DCC: variants seen among roughly 807,000 people sequenced by gnomAD.
The protein encoded by DCC is DCC netrin 1 receptor, also known as netrin receptor DCC.
A neutral mutation model predicts 172.5 loss-of-function variants in DCC; 58 were observed. That is an observed-to-expected ratio of 0.34 (90% confidence interval 0.27 to 0.42). DCC has a LOEUF of 0.42. Among genes scored for constraint, DCC ranks in the 10% least tolerant of loss-of-function variants. The probability of loss-of-function intolerance (pLI) is 1.00; values close to 1 mark genes in which losing one functional copy is unlikely to be tolerated. For missense variants in DCC, 1,740 were observed against 1,791.0 expected (o/e 0.97, Z 0.51); for synonymous variants, 709 against 644.5 (o/e 1.10, Z -1.52).
chr18:53,196,308 C>G (rs1307963413), intron 9 of DCC, among the ~76,000 whole-genome samples: 1 of 152,166 alleles, frequency 6.6e-6, no homozygotes, highest in Admixed American at 6.5e-5. Context: ...AGTCCAGAAT[C>G]TTCGTTGTTC....
chr18:52,751,662 T>A (rs1416845132), intron 1 of DCC, among the ~76,000 whole-genome samples: 1 of 152,196 alleles, frequency 6.6e-6, no homozygotes, highest in Non-Finnish European at 1.5e-5. Flanking sequence ...AATGAAGAGA[T>A]AGAAATAGTC....
chr18:53,427,957 A>G (rs1288583633), intron 21 of DCC, among the ~76,000 whole-genome samples: 5 of 47,460 alleles, frequency 1.1e-4, no homozygotes, highest in African/African-American at 2.8e-4. Context: ...AATATATAAT[A>G]TAATAATATA....
chr18:53,194,762 G>A (rs1027206530), intron 9 of DCC, among the ~76,000 whole-genome samples: 4 of 152,244 alleles, frequency 2.6e-5, no homozygotes, highest in South Asian at 2.1e-4. Flanking sequence ...GAGCCACCAC[G>A]CCCGGCCCAG....
At chr18:52,670,774 A>G (rs2035537587) in intron 1 of DCC, among the ~76,000 whole-genome samples, 1 of 152,118 alleles carries the variant, frequency 6.6e-6, no homozygotes, top group South Asian at 2.1e-4. Flanking sequence ...CTGGAAGCGG[A>G]GGTTGCAGTG....
intron 22 of DCC, among the ~76,000 whole-genome samples, chr18:53,445,225 C>T (rs943936396): frequency 5.3e-5 from 8 of 151,964 alleles, no homozygotes; most frequent in Non-Finnish European, 7.4e-5. Flanking sequence ...CGATCAAGGC[C>T]GTATGAACTT....
chr18:52,777,770 G>GGGAAAAAAAA (rs369140038), intron 2 of DCC, among the ~76,000 whole-genome samples: 73 of 138,786 alleles, frequency 5.3e-4, no homozygotes, highest in African/African-American at 1.6e-3. Flanking sequence ...GATCTCCAGG[G>GGGAAAAAAAA]AAAAAAAAAG....
chr18:52,681,872 A>T (rs1231934958), intron 1 of DCC, among the ~76,000 whole-genome samples: 3 of 146,764 alleles, frequency 2.0e-5, no homozygotes, highest in African/African-American at 7.6e-5. Context: ...TGACTTTTAC[A>T]GTTTCTAAAT....
chr18:53,077,508 C>T (rs373709762), intron 7 of DCC, among the ~76,000 whole-genome samples: 2 of 152,194 alleles, frequency 1.3e-5, no homozygotes, highest in African/African-American at 4.8e-5. Flanking sequence ...TCCCTGATGC[C>T]AAATGTAATT....
intron 1 of DCC, among the ~76,000 whole-genome samples, chr18:52,660,339 G>C (rs1337222584): frequency 2.0e-5 from 3 of 152,022 alleles, no homozygotes; most frequent in Non-Finnish European, 2.9e-5. Context: ...GCAACTAGAT[G>C]TTGTGAAAGG....
intron 1 of DCC, among the ~76,000 whole-genome samples, chr18:52,648,869 G>A (rs1174128362): frequency 6.6e-6 from 1 of 152,068 alleles, no homozygotes; most frequent in South Asian, 2.1e-4. Context: ...TTTTGCCAGC[G>A]TTTCTAGGTT....
At chr18:53,314,651 C>T (rs1422011522) in intron 13 of DCC, among the ~76,000 whole-genome samples, 2 of 152,122 alleles carry the variant, frequency 1.3e-5, no homozygotes, top group Non-Finnish European at 1.5e-5. Flanking sequence ...CTATACATAT[C>T]TAAATTTTTT....
intron 2 of DCC, among the ~76,000 whole-genome samples, chr18:52,799,923 C>A (rs964358184): frequency 2.6e-5 from 4 of 152,118 alleles, no homozygotes; most frequent in African/African-American, 9.7e-5. Flanking sequence ...TCTTCAGTTA[C>A]ATCATTTTTT....
chr18:52,718,135 T>C (rs4591250), intron 1 of DCC, among the ~76,000 whole-genome samples: 149,068 of 152,296 alleles, frequency 0.98, 73,029 homozygotes, highest in East Asian at 1. Flanking sequence ...CTCACTTTGG[T>C]AAGATTTATT....
intron 1 of DCC, among the ~76,000 whole-genome samples, chr18:52,379,279 C>T (rs935416114): frequency 6.6e-6 from 1 of 151,678 alleles, no homozygotes. Context: ...TGGATACATG[C>T]CCATTGCTTA....
At chr18:53,305,955 T>C (rs1363275450) in intron 13 of DCC, among the ~76,000 whole-genome samples, 1 of 152,218 alleles carries the variant, frequency 6.6e-6, no homozygotes, top group Non-Finnish European at 1.5e-5. Context: ...AAATTTTTAT[T>C]CATACTAGTT....
intron 3 of DCC, among the ~76,000 whole-genome samples, chr18:52,920,571 T>A (rs1022981914): frequency 4.6e-5 from 7 of 152,156 alleles, no homozygotes; most frequent in African/African-American, 1.7e-4. Context: ...ATGTAGAACT[T>A]TTTTTGCTGG....
At chr18:53,026,445 G>A (rs919403795) in intron 5 of DCC, among the ~76,000 whole-genome samples, 3 of 152,084 alleles carry the variant, frequency 2.0e-5, no homozygotes, top group African/African-American at 7.2e-5. Flanking sequence ...ACATTCTAAT[G>A]GCTGGCTTTC....
chr18:52,586,269 G>A (rs1270253031), intron 1 of DCC, among the ~76,000 whole-genome samples: 1 of 151,814 alleles, frequency 6.6e-6, no homozygotes, highest in African/African-American at 2.4e-5. Flanking sequence ...TTTTCATTTT[G>A]ATATTAAAAA....
chr18:52,923,583 T>G (rs914180439), intron 3 of DCC, 124 bp from the exon 4 acceptor site: 53 of 780,030 alleles, frequency 6.8e-5, no homozygotes, highest in Middle Eastern at 5.7e-4. Context: ...TTTAGGAGTT[T>G]ACAAATTTCA....
Sources: allele counts gnomAD v4.1 joint callset (sites outside exome capture counted in the v4.1 genomes callset), GRCh38; gene constraint gnomAD v4.1.1; transcripts MANE v1.5; gene names NCBI Gene and HGNC (gene_info 2026-07-23, HGNC 2026-07-21).